Variants in RNLS observed in about 807,000 individuals in gnomAD.
RNLS encodes the protein renalase, FAD dependent amine oxidase, also known as renalase.
A neutral mutation model predicts 39.8 loss-of-function variants in RNLS; 39 were observed. The ratio of observed to expected loss-of-function variants is 0.98; its 90% CI spans 0.76 to 1.28. The LOEUF is 1.28. Ranked by LOEUF, RNLS falls within the 50% of genes most tolerant of loss-of-function variation. The probability of loss-of-function intolerance (pLI) is 0.00; values close to 1 mark genes in which losing one functional copy is unlikely to be tolerated. For missense variants in RNLS, 410 were observed against 413.3 expected (o/e 0.99, Z 0.07); for synonymous variants, 147 against 150.7 (o/e 0.98, Z 0.18).
chr10:88,471,453 G>A (rs963181179), intron 4 of RNLS, among the ~76,000 whole-genome samples: 16 of 152,146 alleles, frequency 1.1e-4, no homozygotes, highest in Non-Finnish European at 1.5e-5. Context: ...AGCAATGGGT[G>A]CTGCTTGCTG....
At chr10:88,363,911 T>C (rs771976873) in intron 4 of RNLS, among the ~76,000 whole-genome samples, 13 of 152,138 alleles carry the variant, frequency 8.5e-5, no homozygotes, top group Non-Finnish European at 1.8e-4. Flanking sequence ...CATAGCACAG[T>C]GCTTGGCATA....
intron 4 of RNLS, among the ~76,000 whole-genome samples, chr10:88,517,657 T>C (rs917440460): frequency 1.3e-5 from 2 of 151,908 alleles, no homozygotes; most frequent in African/African-American, 4.8e-5. Flanking sequence ...TCTTTCAACA[T>C]GGGCACCTAT....
chr10:88,378,736 ATACT>A (rs1851224010), intron 4 of RNLS, among the ~76,000 whole-genome samples: 1 of 152,214 alleles, frequency 6.6e-6, no homozygotes, highest in Non-Finnish European at 1.5e-5. Flanking sequence ...CATGCTATAC[ATACT>A]TTGTTGAACC....
intron 4 of RNLS, among the ~76,000 whole-genome samples, chr10:88,566,073 AC>A (rs1408306872): frequency 6.6e-6 from 1 of 151,800 alleles, no homozygotes; most frequent in Non-Finnish European, 1.5e-5. Context: ...ATAAGAGTAA[AC>A]TATTCTTATT....
the RNLS span, among the ~76,000 whole-genome samples, chr10:88,191,223 T>C: frequency 2.0e-5 from 3 of 152,170 alleles, no homozygotes; most frequent in Non-Finnish European, 2.9e-5. Context: ...ACTCAGCAGC[T>C]CCCTTCTTTG....
chr10:88,258,586 C>G, the RNLS span, among the ~76,000 whole-genome samples: 25 of 152,168 alleles, frequency 1.6e-4, no homozygotes, highest in Non-Finnish European at 2.8e-4. Flanking sequence ...TGGGAGATCT[C>G]CATGCAAAGT....
chr10:88,461,713 A>G (rs1842940587), intron 4 of RNLS, among the ~76,000 whole-genome samples: 1 of 152,116 alleles, frequency 6.6e-6, no homozygotes, highest in African/African-American at 2.4e-5. Flanking sequence ...GGAATATACC[A>G]AGTACACAAT....
chr10:88,284,240 G>T lies in RNLS; in HGVS notation c.*1114C>A, dbSNP rs1843126873. The T allele has an allele frequency of 3.0e-6, 3 of 985,356 alleles. No homozygotes were observed. Among genetic ancestry groups the T allele is most frequent in the Non-Finnish European group, 3.6e-6 (3 of 829,882 alleles). 61.0% of individuals were successfully genotyped at this position (985,356 alleles called of 1,614,324 possible). A position where few individuals can be genotyped will look rare whatever the true frequency, so the allele number is the denominator to read the frequency against. ...TATGTGTATGTATGACAGTGGACAT[G>T]TAAGTGTGAAACTTTAAACACTATT... On this transcript the variant is annotated 3_prime_UTR_variant, in exon 7 of 7. Transcript: ENST00000331772.
At chr10:88,464,184 C>T (rs1264303843) in intron 4 of RNLS, among the ~76,000 whole-genome samples, 3 of 152,042 alleles carry the variant, frequency 2.0e-5, no homozygotes, top group African/African-American at 7.2e-5. Flanking sequence ...AGCTAATATC[C>T]ATGCATTAAA....
intron 4 of RNLS, among the ~76,000 whole-genome samples, chr10:88,505,519 G>T (rs1845741229): frequency 6.6e-6 from 1 of 151,494 alleles, no homozygotes; most frequent in Non-Finnish European, 1.5e-5. Flanking sequence ...AGAGAGAAAA[G>T]GAAGGATTCA....
chr10:88,256,144 C>A, the RNLS span, among the ~76,000 whole-genome samples: 3 of 152,162 alleles, frequency 2.0e-5, no homozygotes, highest in East Asian at 3.8e-4. Flanking sequence ...AAGGCTTTCC[C>A]TTCTCGATAT....
At chr10:88,467,598 T>C (rs186858017) in intron 4 of RNLS, among the ~76,000 whole-genome samples, 2 of 152,022 alleles carry the variant, frequency 1.3e-5, no homozygotes, top group Non-Finnish European at 2.9e-5. Context: ...ACTGAGACAA[T>C]TTACCAACCT....
intron 5 of RNLS, among the ~76,000 whole-genome samples, chr10:88,359,408 C>T (rs935226360): frequency 5.3e-5 from 8 of 152,066 alleles, no homozygotes; most frequent in African/African-American, 1.2e-4. Flanking sequence ...TTGTAGTATG[C>T]GAATTCAACT....
At chr10:88,187,624 G>C in the RNLS span, among the ~76,000 whole-genome samples, 1 of 152,180 alleles carries the variant, frequency 6.6e-6, no homozygotes, top group Admixed American at 6.6e-5. Flanking sequence ...GAGTCCCTCA[G>C]CTGTCCTGGA....
the RNLS span, among the ~76,000 whole-genome samples, chr10:88,223,164 C>T: frequency 6.6e-6 from 1 of 152,250 alleles, no homozygotes; most frequent in Admixed American, 6.5e-5. Context: ...TCTCCCCCAT[C>T]CTCCTTCTAT....
intron 4 of RNLS, among the ~76,000 whole-genome samples, chr10:88,478,262 C>T (rs537261893): frequency 2.0e-5 from 3 of 152,262 alleles, no homozygotes; most frequent in East Asian, 1.9e-4. Flanking sequence ...CTTGAAAACG[C>T]GAGCCCATCT....
chr10:88,307,709 C>T (rs922362137), intron 6 of RNLS, among the ~76,000 whole-genome samples: 8 of 152,190 alleles, frequency 5.3e-5, no homozygotes, highest in African/African-American at 1.7e-4. Context: ...GCATTTCATG[C>T]TCATGGATAG....
chr10:88,565,841 C>T lies in RNLS; in HGVS notation c.526+7062G>A, dbSNP rs894770824. On this transcript the variant is annotated intron_variant, in intron 4 of 6. Transcript: ENST00000331772. Reference sequence around the variant, plus strand: ...CTTGGCTCACTGCAACCTCCGCCTCCCAGGTTCAAGCGATTCTCCTGCCTC... The same window carrying T: ...CTTGGCTCACTGCAACCTCCGCCTCTCAGGTTCAAGCGATTCTCCTGCCTC... Among the ~76,000 whole-genome samples the T allele has an allele frequency of 6.0e-5, 9 of 150,988 alleles. 1 individual carries two copies. Among genetic ancestry groups the T allele is most frequent in the Admixed American group, 2.6e-4 (4 of 15,176 alleles).
At chr10:88,486,315 G>A (rs878959663) in intron 4 of RNLS, among the ~76,000 whole-genome samples, 1 of 152,098 alleles carries the variant, frequency 6.6e-6, no homozygotes, top group Non-Finnish European at 1.5e-5. Flanking sequence ...AACAGGCAAA[G>A]ATTTCATGAC....
Sources: allele counts gnomAD v4.1 joint callset (sites outside exome capture counted in the v4.1 genomes callset), GRCh38; gene constraint gnomAD v4.1.1; transcripts MANE v1.5; gene names NCBI Gene and HGNC (gene_info 2026-07-23, HGNC 2026-07-21).